DENND1B: variants seen among roughly 807,000 people sequenced by gnomAD.
The protein encoded by DENND1B is DENN domain containing 1B.
In DENND1B, 59 loss-of-function variants were observed where a neutral mutation model predicts 90.1. The observed-to-expected ratio is 0.65, with a 90% CI of 0.53 to 0.81. The LOEUF is 0.81. Among genes scored for constraint, DENND1B ranks in the 40% least tolerant of loss-of-function variants. DENND1B has a pLI of 0.00. For synonymous variants in DENND1B, 337 were observed against 324.6 expected (o/e 1.04, Z -0.41); for missense variants, 862 against 912.6 (o/e 0.94, Z 0.71).
intron 6 of DENND1B, among the ~76,000 whole-genome samples, chr1:197,657,564 AAAAAGAAAAG>A (rs150797869): frequency 6.6e-6 from 1 of 152,174 alleles, no homozygotes; most frequent in South Asian, 2.1e-4. Flanking sequence ...CTATTAACCA[AAAAAGAAAAG>A]AAAAGAAAAG....
At chr1:197,579,588 C>A (rs1674013197) in intron 15 of DENND1B, among the ~76,000 whole-genome samples, 1 of 152,138 alleles carries the variant, frequency 6.6e-6, no homozygotes, top group South Asian at 2.1e-4. Context: ...GGTTCTGGCA[C>A]TATCCTTTCA....
intron 10 of DENND1B, among the ~76,000 whole-genome samples, chr1:197,625,678 T>C (rs1678625724): frequency 6.6e-6 from 1 of 152,062 alleles, no homozygotes; most frequent in Non-Finnish European, 1.5e-5. Context: ...TAACTTTAAA[T>C]GTAAATGGAC....
At chr1:197,746,940 C>T (rs1188696992) in intron 2 of DENND1B, 3 of 1,406,750 alleles carry the variant, frequency 2.1e-6, no homozygotes, top group Non-Finnish European at 3.0e-6. Flanking sequence ...TTCTGAGTTC[C>T]TCAGTCTTCT....
intron 6 of DENND1B, among the ~76,000 whole-genome samples, chr1:197,653,572 A>G (rs1490509631): frequency 6.6e-6 from 1 of 152,118 alleles, no homozygotes; most frequent in Non-Finnish European, 1.5e-5. Context: ...AAGTACTACA[A>G]TTACAGATTT....
intron 3 of DENND1B, among the ~76,000 whole-genome samples, chr1:197,696,472 G>T (rs2102124871): frequency 6.6e-6 from 1 of 151,564 alleles, no homozygotes; most frequent in Non-Finnish European, 1.5e-5. Flanking sequence ...CTACAGAAAT[G>T]AGGGACAGAG....
chr1:197,526,569 T>C (rs1430594840), intron 20 of DENND1B, among the ~76,000 whole-genome samples: 1 of 152,154 alleles, frequency 6.6e-6, no homozygotes, highest in Non-Finnish European at 1.5e-5. Flanking sequence ...ACCTTTGTTT[T>C]TGTTTCAAGA....
intron 3 of DENND1B, among the ~76,000 whole-genome samples, chr1:197,713,993 C>CT (rs1372499037): frequency 3.1e-3 from 33 of 10,690 alleles, no homozygotes; most frequent in Non-Finnish European, 4.8e-3. Flanking sequence ...AATTATATAT[C>CT]TTTTTTTTTT....
Position 197,595,271 on chromosome 1 carries a change from C to A in DENND1B, c.984G>T (p.Arg328Ser), listed in dbSNP as rs1166603411. Residue 328 changes from arginine to serine, a missense_variant, in exon 14 of 23, where the codon AGG becomes AGT. By Grantham distance (110) the Arg-to-Ser change is moderately radical. Transcript: ENST00000620048. ...QSTATGDGVA[R>S]AFLRAQAALF... Reference sequence around the variant, plus strand: ...AAGCAGCCTGTGCTCTAAGAAAGGCCCTAGCTACTCCATCACCCGTAGCTG... The same window carrying A: ...AAGCAGCCTGTGCTCTAAGAAAGGCACTAGCTACTCCATCACCCGTAGCTG... 1 of 1,613,204 alleles carries A rather than the reference C, an allele frequency of 6.2e-7. No homozygotes were observed. The highest frequency in any genetic ancestry group is 1.3e-5 in the African/African-American group (1 of 74,848).
chr1:197,609,461 C>T (rs577779992), intron 12 of DENND1B, among the ~76,000 whole-genome samples: 7 of 150,712 alleles, frequency 4.6e-5, no homozygotes, highest in Admixed American at 1.3e-4. Flanking sequence ...TAATGACCTG[C>T]AGGCTTTAGT....
chr1:197,658,422 C>A, intron 5 of DENND1B, 53 bp from the exon 6 acceptor site: 1 of 1,213,174 alleles, frequency 8.2e-7, no homozygotes, highest in Non-Finnish European at 1.2e-6. Flanking sequence ...AATCAGAAAA[C>A]AGACAATATA....
chr1:197,552,884 GA>G, intron 16 of DENND1B, 137 bp downstream of exon 16: 1 of 1,454,054 alleles, frequency 6.9e-7, no homozygotes, highest in South Asian at 1.5e-5. Context: ...TTTATAAGAT[GA>G]AAAATGTATT....
At chr1:197,543,594 AT>A (rs1482650721) in intron 18 of DENND1B, among the ~76,000 whole-genome samples, 1 of 152,170 alleles carries the variant, frequency 6.6e-6, no homozygotes, top group African/African-American at 2.4e-5. Context: ...GTAAAAAAAA[AT>A]CTCTTCAAAA....
At chr1:197,513,738 G>A (rs531557687) in intron 20 of DENND1B, among the ~76,000 whole-genome samples, 6 of 151,268 alleles carry the variant, frequency 4.0e-5, no homozygotes, top group African/African-American at 1.2e-4. Flanking sequence ...TTTTTAGTAC[G>A]TTTCTTTGGA....
At chr1:197,772,985 A>C in intron 1 of DENND1B, 53 bp from the exon 2 acceptor site, 1 of 1,398,846 alleles carries the variant, frequency 7.1e-7, no homozygotes, top group Non-Finnish European at 9.9e-7. Flanking sequence ...CATCTCCATG[A>C]AACTTGTATT....
chr1:197,525,517 C>A (rs1669078040), intron 20 of DENND1B, among the ~76,000 whole-genome samples: 1 of 152,042 alleles, frequency 6.6e-6, no homozygotes, highest in Admixed American at 6.6e-5. Flanking sequence ...ATCAGTAAGA[C>A]ACAGAATTCA....
chr1:197,575,144 G>A (rs1297659977), intron 15 of DENND1B, among the ~76,000 whole-genome samples: 1 of 151,972 alleles, frequency 6.6e-6, no homozygotes, highest in Non-Finnish European at 1.5e-5. Flanking sequence ...CCATCAGAGT[G>A]AACAGGCAAC....
chr1:197,724,077 A>G (rs1201334906), intron 2 of DENND1B, among the ~76,000 whole-genome samples: 1 of 152,136 alleles, frequency 6.6e-6, no homozygotes, highest in Non-Finnish European at 1.5e-5. Context: ...CTTGCTTGAT[A>G]TAAAGATGGT....
chr1:197,637,733 G>A (rs527358651), intron 10 of DENND1B, among the ~76,000 whole-genome samples: 2 of 152,238 alleles, frequency 1.3e-5, no homozygotes, highest in South Asian at 2.1e-4. Context: ...GTTGCTTACG[G>A]GTTTGGGGAA....
intron 16 of DENND1B, among the ~76,000 whole-genome samples, chr1:197,550,115 C>T (rs1188737919): frequency 6.6e-6 from 1 of 151,996 alleles, no homozygotes; most frequent in South Asian, 2.1e-4. Flanking sequence ...TAAAGGAACA[C>T]AATTTTTTCT....
Sources: gnomAD v4.1 joint callset for allele counts (sites outside exome capture counted in the v4.1 genomes callset) on GRCh38, gnomAD v4.1.1 for gene constraint, MANE v1.5 for transcripts, NCBI Gene and HGNC (gene_info 2026-07-23, HGNC 2026-07-21) for gene names.